The following DSCAM variants were observed in gnomAD, a reference collection of about 807,000 sequenced individuals.
DSCAM encodes cell adhesion molecule DSCAM.
DSCAM carries 47 observed loss-of-function variants against 217.7 expected under a neutral mutation model. The observed-to-expected ratio is 0.22, with a 90% CI of 0.17 to 0.28. The LOEUF (loss-of-function observed/expected upper bound fraction) is 0.28. DSCAM is among the 10% of genes least tolerant of loss of function. The pLI is 1.00. For missense variants in DSCAM, 2,080 were observed against 2,618.3 expected (o/e 0.79, Z 4.49); for synonymous variants, 1,056 against 1,015.3 (o/e 1.04, Z -0.76).
rs397966068 is a variant in DSCAM at position 40,735,036 on chromosome 21, TA to T, written c.44-26266del. ...GGTCAACTATTCACAAATGAATTTT[TA>T]AAAAATTGCTAAAGCATTGAGAGAT... On this transcript the variant is annotated intron_variant, in intron 1 of 32. Transcript: ENST00000400454. 6.2e-3 allele frequency among the ~76,000 whole-genome samples: 952 copies of T among 152,328 alleles called. 5 individuals carry two copies. Among genetic ancestry groups the T allele is most frequent in the Non-Finnish European group, 9.9e-3 (674 of 68,016 alleles).
At chr21:40,422,964 G>T (rs1394935462) in intron 3 of DSCAM, among the ~76,000 whole-genome samples, 1 of 152,208 alleles carries the variant, frequency 6.6e-6, no homozygotes, top group South Asian at 2.1e-4. Context: ...TAAAGGTTAA[G>T]TATCTTTATC....
At chr21:40,686,108 A>G (rs1217549086) in intron 3 of DSCAM, among the ~76,000 whole-genome samples, 2 of 149,640 alleles carry the variant, frequency 1.3e-5, no homozygotes, top group African/African-American at 2.4e-5. Flanking sequence ...TTACACACAC[A>G]TACACAACAC....
At chr21:40,574,060 G>A (rs1032647599) in intron 3 of DSCAM, among the ~76,000 whole-genome samples, 1 of 151,248 alleles carries the variant, frequency 6.6e-6, no homozygotes, top group African/African-American at 2.4e-5. Flanking sequence ...TAAGGAAGGC[G>A]TAATACCAAT....
At chr21:40,075,786 G>T (rs934244310) in intron 26 of DSCAM, among the ~76,000 whole-genome samples, 1 of 152,156 alleles carries the variant, frequency 6.6e-6, no homozygotes, top group Non-Finnish European at 1.5e-5. Context: ...GCTTTTCAAA[G>T]GGGACCCAAC....
At chr21:40,214,443 T>TGATG (rs1258249809) in intron 11 of DSCAM, among the ~76,000 whole-genome samples, 1 of 152,168 alleles carries the variant, frequency 6.6e-6, no homozygotes, top group East Asian at 1.9e-4. Flanking sequence ...TTTTCCAAGA[T>TGATG]GATGGAATAT....
chr21:40,167,178 G>C lies in DSCAM; in HGVS notation c.3018+40C>G, dbSNP rs775244348. 28 of 1,583,232 alleles carry C rather than the reference G, an allele frequency of 1.8e-5. No homozygotes were observed. In the Middle Eastern group the frequency reaches 5.0e-4, roughly 28 times the overall value. On this transcript the variant is annotated intron_variant, in intron 16 of 32. Coordinates refer to ENST00000400454, the MANE Select transcript of DSCAM (RefSeq NM_001389.5). Reference sequence around the variant, plus strand: ...GAACAGGAGTGAAGGGCTCGCCCTGGGGGGAAAGCACCGAGAATACAAATG... The same window carrying C: ...GAACAGGAGTGAAGGGCTCGCCCTGCGGGGAAAGCACCGAGAATACAAATG...
chr21:40,285,970 C>T (rs1360492362), intron 10 of DSCAM, among the ~76,000 whole-genome samples: 1 of 152,058 alleles, frequency 6.6e-6, no homozygotes, highest in Admixed American at 6.6e-5. Flanking sequence ...AAATGAAGGA[C>T]ATGGAAGAGG....
chr21:40,301,497 C>T (rs947196160), intron 9 of DSCAM, among the ~76,000 whole-genome samples: 2 of 152,194 alleles, frequency 1.3e-5, no homozygotes, highest in Non-Finnish European at 2.9e-5. Flanking sequence ...TCCCATTCAC[C>T]ATTTGCATCT....
rs2089701609 is a variant in DSCAM, at chr21:40,097,963, AAAGAAAG to A, written c.3697-4096_3697-4090del. Among the ~76,000 whole-genome samples, 2 of 44,436 alleles carry A rather than the reference AAAGAAAG, an allele frequency of 4.5e-5. 1 individual carries two copies. The highest frequency in any genetic ancestry group is 8.3e-5 in the Non-Finnish European group (2 of 24,178). 29.2% of individuals were successfully genotyped at this position (44,436 alleles called of 152,430 possible). A position where few individuals can be genotyped will look rare whatever the true frequency, so the allele number is the denominator to read the frequency against. On this transcript the variant is annotated intron_variant, in intron 20 of 32. Coordinates refer to ENST00000400454, the MANE Select transcript of DSCAM (RefSeq NM_001389.5). Reference sequence around the variant, plus strand: ...CTCAAAAAAAAAAAAAAAAAGAAAGAAAGAAAGAAAGAAAGAAAGAAAGAAAGAAAGA... The same window carrying A: ...CTCAAAAAAAAAAAAAAAAAGAAAGAAAAGAAAGAAAGAAAGAAAGAAAGA...
intron 3 of DSCAM, among the ~76,000 whole-genome samples, chr21:40,691,980 A>T (rs1439157962): frequency 3.3e-5 from 5 of 151,982 alleles, no homozygotes; most frequent in Admixed American, 3.3e-4. Flanking sequence ...GTCTGTTAAC[A>T]TGTGTGTTGT....
At chr21:40,198,498 G>T (rs73904739) in intron 11 of DSCAM, among the ~76,000 whole-genome samples, 9,100 of 152,218 alleles carry the variant, frequency 0.06, 864 homozygotes, top group African/African-American at 0.2. Context: ...CAGTCGAATA[G>T]GTGACCTTCA....
chr21:40,665,940 C>T (rs747363255), intron 3 of DSCAM, among the ~76,000 whole-genome samples: 3 of 150,692 alleles, frequency 2.0e-5, no homozygotes, highest in Non-Finnish European at 4.4e-5. Context: ...GTTCTTTGGG[C>T]CCTAAGGTGA....
rs1322542883 is a variant in DSCAM, at chr21:40,078,993, C to G, written c.4421-16G>C. ...AACTGGGGCTCTGGGGGAGAAGGCA[C>G]ATGGAGGTCAGCTCACAGGACACAT... On this transcript the variant is annotated splice_polypyrimidine_tract_variant and intron_variant, in intron 25 of 32. Transcript: ENST00000400454. 1.9e-6 allele frequency: 3 copies of G among 1,610,566 alleles called. No homozygotes were observed. The African/African-American group carries it at 4.0e-5, about 22-fold the overall frequency.
At chr21:40,652,501 A>G (rs1273171644) in intron 3 of DSCAM, among the ~76,000 whole-genome samples, 1 of 152,198 alleles carries the variant, frequency 6.6e-6, no homozygotes, top group Non-Finnish European at 1.5e-5. Flanking sequence ...CAGACTGAAT[A>G]ACGAGCCCAT....
chr21:40,033,731 C>T (rs1343056567), intron 32 of DSCAM, among the ~76,000 whole-genome samples: 1 of 151,674 alleles, frequency 6.6e-6, no homozygotes, highest in Non-Finnish European at 1.5e-5. Context: ...GGGCAGGGCA[C>T]AGACAAACAA....
At chr21:40,211,213 G>A (rs957255354) in intron 11 of DSCAM, among the ~76,000 whole-genome samples, 1 of 152,142 alleles carries the variant, frequency 6.6e-6, no homozygotes, top group Non-Finnish European at 1.5e-5. Context: ...TTTGATTGCT[G>A]AATAGCAGCA....
At chr21:40,126,164 C>G (rs1285175887) in intron 19 of DSCAM, among the ~76,000 whole-genome samples, 1 of 150,976 alleles carries the variant, frequency 6.6e-6, no homozygotes, top group African/African-American at 2.4e-5. Context: ...GAAAGCCTTC[C>G]TTAGAGGTAA....
chr21:40,339,309 C>T lies in DSCAM; in HGVS notation c.1317G>A (p.Thr439=), dbSNP rs768971328. 1.9e-6 allele frequency: 3 copies of T among 1,614,146 alleles called. No individual in the cohort carries two copies. Among genetic ancestry groups the T allele is most frequent in the South Asian group, 2.2e-5 (2 of 91,084 alleles). The change falls in exon 7 of 33, where the codon ACG becomes ACA. Residue 439 remains threonine, a synonymous_variant. Coordinates refer to ENST00000400454, the MANE Select transcript of DSCAM (RefSeq NM_001389.5). Reference sequence around the variant, plus strand: ...GAATCGGGTCATCGTCCAGGGTCCACGTGATCGTGGGCAAAGGTGTTCCCT... The same window carrying T: ...GAATCGGGTCATCGTCCAGGGTCCATGTGATCGTGGGCAAAGGTGTTCCCT... ...NVKGTPLPTI[T]WTLDDDPILK...
chr21:40,760,681 C>T (rs2091323859), intron 1 of DSCAM, among the ~76,000 whole-genome samples: 1 of 152,206 alleles, frequency 6.6e-6, no homozygotes, highest in Non-Finnish European at 1.5e-5. Context: ...TGCTTTCCTG[C>T]AAATCTCTCC....
Sources: allele counts gnomAD v4.1 joint callset (sites outside exome capture counted in the v4.1 genomes callset), GRCh38; gene constraint gnomAD v4.1.1; transcripts MANE v1.5; gene names NCBI Gene and HGNC (gene_info 2026-07-23, HGNC 2026-07-21).